RANBP2: variants seen among roughly 807,000 people sequenced by gnomAD.
RANBP2 encodes RAN binding protein 2, also known as E3 SUMO-protein ligase RanBP2.
In RANBP2, 57 loss-of-function variants were observed where a neutral mutation model predicts 303.6. That is an observed-to-expected ratio of 0.19 (90% CI 0.15 to 0.23). The LOEUF is 0.23. Ranked by LOEUF, RANBP2 falls within the 10% of genes least tolerant of loss-of-function variation. The pLI, the probability that RANBP2 is intolerant of heterozygous loss-of-function variation, is 1.00. For missense variants in RANBP2, 3,138 were observed against 3,780.8 expected, an observed-to-expected ratio of 0.83 and a Z score of 4.46; for synonymous variants, 1,167 against 1,301.5, an observed-to-expected ratio of 0.90 and a Z score of 2.23.
chr2:108,908,602 G>A, the RANBP2 span, among the ~76,000 whole-genome samples: 1 of 152,128 alleles, frequency 6.6e-6, no homozygotes, highest in Non-Finnish European at 1.5e-5. Context: ...TGGGTGGGCG[G>A]TCGGACCCAC....
At chr2:109,466,116 G>A in the RANBP2 span, among the ~76,000 whole-genome samples, 4 of 116,258 alleles carry the variant, frequency 3.4e-5, no homozygotes, top group East Asian at 8.2e-4. Flanking sequence ...GTCTCGCTCC[G>A]TCGCCCAGGC....
the RANBP2 span, among the ~76,000 whole-genome samples, chr2:109,089,174 A>T: frequency 1.5e-4 from 21 of 142,432 alleles, no homozygotes; most frequent in South Asian, 5.4e-3. Flanking sequence ...GATGGGTGGG[A>T]TGGGGAGGGA....
At chr2:108,817,470 T>G in the RANBP2 span, among the ~76,000 whole-genome samples, 3 of 152,024 alleles carry the variant, frequency 2.0e-5, no homozygotes, top group African/African-American at 7.2e-5. Context: ...TTTTTGTATT[T>G]TTAGTAGAGA....
At chr2:109,118,170 A>G in the RANBP2 span, among the ~76,000 whole-genome samples, 4 of 152,274 alleles carry the variant, frequency 2.6e-5, no homozygotes, top group Admixed American at 2.6e-4. Context: ...TCCTGCCCAA[A>G]TGGCAGATGC....
chr2:108,990,457 A>AT, the RANBP2 span, among the ~76,000 whole-genome samples: 3 of 150,644 alleles, frequency 2.0e-5, no homozygotes, highest in Admixed American at 6.6e-5. Flanking sequence ...AAAAAAAAAA[A>AT]ATATACAAAA....
At chr2:108,850,167 T>A in the RANBP2 span, among the ~76,000 whole-genome samples, 4 of 152,174 alleles carry the variant, frequency 2.6e-5, no homozygotes, top group African/African-American at 7.2e-5. Flanking sequence ...ACTAAACATT[T>A]AAACATAAGA....
At chr2:109,618,522 G>A in the RANBP2 span, 1 of 167,106 alleles carries the variant, frequency 6.0e-6, no homozygotes. Flanking sequence ...CATTCCTGAG[G>A]AGAACTACTT....
chr2:109,394,795 A>T, the RANBP2 span, among the ~76,000 whole-genome samples: 2 of 152,222 alleles, frequency 1.3e-5, no homozygotes, highest in Non-Finnish European at 2.9e-5. Flanking sequence ...AATCCACACC[A>T]CATGGGAGGG....
At chr2:109,628,962 G>T in the RANBP2 span, among the ~76,000 whole-genome samples, 1 of 151,992 alleles carries the variant, frequency 6.6e-6, no homozygotes, top group South Asian at 2.1e-4. Context: ...CCAGCATTTT[G>T]GGAGGCTGAA....
the RANBP2 span, among the ~76,000 whole-genome samples, chr2:109,244,917 G>A: frequency 7.2e-5 from 11 of 152,350 alleles, no homozygotes; most frequent in Middle Eastern, 0.027. Context: ...GCAAGACAAA[G>A]TTGGCTGGCC....
At chr2:109,304,251 C>T in the RANBP2 span, among the ~76,000 whole-genome samples, 2 of 152,184 alleles carry the variant, frequency 1.3e-5, no homozygotes, top group Non-Finnish European at 2.9e-5. Context: ...CCTCCCCATT[C>T]CAACCCCAGC....
the RANBP2 span, among the ~76,000 whole-genome samples, chr2:109,559,177 C>T: frequency 6.6e-5 from 10 of 152,182 alleles, no homozygotes; most frequent in South Asian, 2.1e-4. Context: ...TAAGCCACCA[C>T]GCCTGGCCAG....
the RANBP2 span, among the ~76,000 whole-genome samples, chr2:109,403,811 C>T: frequency 6.6e-6 from 1 of 152,226 alleles, no homozygotes; most frequent in African/African-American, 2.4e-5. Flanking sequence ...GCACCTGCAA[C>T]CTTGGGTAAG....
At chr2:108,751,146 A>T (rs1675848519) in intron 9 of RANBP2, 118 bp from the exon 10 acceptor site, 1 of 1,511,984 alleles carries the variant, frequency 6.6e-7, no homozygotes, top group African/African-American at 1.4e-5. Flanking sequence ...TTCAGCTTTG[A>T]TATAGAAAAG....
At chr2:109,277,606 G>A in the RANBP2 span, among the ~76,000 whole-genome samples, 3 of 152,124 alleles carry the variant, frequency 2.0e-5, no homozygotes, top group Admixed American at 6.5e-5. Flanking sequence ...GCACTCCTCC[G>A]CGTGCGTAGC....
At chr2:108,896,710 A>T in the RANBP2 span, 1 of 608,864 alleles carries the variant, frequency 1.6e-6, no homozygotes, top group Non-Finnish European at 2.9e-6. Flanking sequence ...ATCTGAAAGT[A>T]TCCCGGCTCT....
At chr2:109,716,747 C>T in the RANBP2 span, among the ~76,000 whole-genome samples, 1 of 152,196 alleles carries the variant, frequency 6.6e-6, no homozygotes, top group East Asian at 1.9e-4. Context: ...AAGAGTTTTG[C>T]TATGTTGCCT....
At chr2:109,566,156 T>C in the RANBP2 span, among the ~76,000 whole-genome samples, 613 of 152,256 alleles carry the variant, frequency 4.0e-3, 6 homozygotes, top group African/African-American at 0.014. Context: ...AGTCTTACTC[T>C]GTCGCCCAAG....
chr2:108,882,127 C>G, the RANBP2 span: 1 of 150,016 alleles, frequency 6.7e-6, no homozygotes, highest in African/African-American at 2.5e-5. Flanking sequence ...GCACTCCGGT[C>G]TGGGCAACAG....
Sources: gnomAD v4.1 joint callset for allele counts (sites outside exome capture counted in the v4.1 genomes callset) on GRCh38, gnomAD v4.1.1 for gene constraint, MANE v1.5 for transcripts, NCBI Gene and HGNC (gene_info 2026-07-23, HGNC 2026-07-21) for gene names.